Variants in TTK observed in about 807,000 individuals in gnomAD.
TTK encodes dual specificity protein kinase TTK.
A neutral mutation model predicts 117.3 loss-of-function variants in TTK; 59 were observed. The observed-to-expected ratio is 0.50, with a 90% CI of 0.41 to 0.62. The LOEUF (loss-of-function observed/expected upper bound fraction) is 0.62, where lower values mean the gene tolerates loss of function less well. Ranked by LOEUF, TTK falls within the 20% of genes least tolerant of loss-of-function variation. The probability of loss-of-function intolerance (pLI) is 0.00; values close to 1 mark genes in which losing one functional copy is unlikely to be tolerated. For missense variants in TTK, 921 were observed against 989.4 expected, an observed-to-expected ratio of 0.93 and a Z score of 0.93; for synonymous variants, 302 against 325.0, an observed-to-expected ratio of 0.93 and a Z score of 0.76.
chr6:80,038,776 C>G (rs1366664258), intron 18 of TTK, among the ~76,000 whole-genome samples: 1 of 152,136 alleles, frequency 6.6e-6, no homozygotes, highest in Non-Finnish European at 1.5e-5. Context: ...TTAGCCTCCA[C>G]TCTTCTAAAA....
At chr6:80,036,968 C>A (rs1480165125) in intron 17 of TTK, among the ~76,000 whole-genome samples, 1 of 152,018 alleles carries the variant, frequency 6.6e-6, no homozygotes, top group Non-Finnish European at 1.5e-5. Flanking sequence ...GAGGTAAGAT[C>A]ATTTTTATTC....
Position 80,042,290 on chromosome 6 carries a change from G to A in TTK, c.*88G>A, listed in dbSNP as rs545531251. On this transcript the variant is annotated 3_prime_UTR_variant, in exon 22 of 22. Transcript: ENST00000369798. ...ATCCCTGTGGAAATCTACATTTGAA[G>A]ACAACATCACTCTGAAGTGTTATCA... 1.9e-6 allele frequency: 2 copies of A among 1,072,742 alleles called. No homozygotes were observed. The highest frequency in any genetic ancestry group is 2.5e-5 in the East Asian group (1 of 40,350). 66.5% of individuals were successfully genotyped at this position (1,072,742 alleles called of 1,614,324 possible).
chr6:80,029,771 A>T (rs1157717689), intron 13 of TTK, among the ~76,000 whole-genome samples: 1 of 152,226 alleles, frequency 6.6e-6, no homozygotes, highest in Non-Finnish European at 1.5e-5. Context: ...CTCTAACCAC[A>T]GTGAGTAGGG....
chr6:80,025,060 T>G (rs1410186765), intron 11 of TTK, among the ~76,000 whole-genome samples: 1 of 152,194 alleles, frequency 6.6e-6, no homozygotes, highest in East Asian at 1.9e-4. Context: ...CTGGCCTTCA[T>G]TTTTCTAACT....
intron 18 of TTK, 125 bp from the exon 19 acceptor site, chr6:80,039,571 C>A: frequency 3.2e-6 from 2 of 617,226 alleles, no homozygotes; most frequent in Non-Finnish European, 4.7e-6. Flanking sequence ...GTCATGTTAA[C>A]ATAATGTAGT....
At chr6:80,040,441 T>G (rs1768017769) in intron 20 of TTK, among the ~76,000 whole-genome samples, 161 bp downstream of exon 20, 1 of 151,832 alleles carries the variant, frequency 6.6e-6, no homozygotes, top group Admixed American at 6.6e-5. Context: ...TAAATAAACT[T>G]TTTTTTCTTT....
Position 80,039,847 on chromosome 6 carries a change from A to G in TTK, c.2282A>G (p.Glu761Gly). The change falls in exon 19 of 22, where the codon GAG (glutamate) becomes GGG (glycine). Residue 761 changes from glutamate (E) to glycine (G), a missense_variant. Coordinates refer to ENST00000369798, the MANE Select transcript of TTK (RefSeq NM_003318.5). ...NHEIEFPDIP[E>G]KDLQDVLKCC... ...GAAATTGAATTTCCCGATATTCCAG[A>G]GAAAGATCTTCAAGATGTGTTAAAG... 6.3e-7 allele frequency: 1 copy of G among 1,578,570 alleles called. No homozygotes were observed. Among genetic ancestry groups the G allele is most frequent in the Non-Finnish European group, 8.6e-7 (1 of 1,165,204 alleles).
chr6:80,012,562 T>G (rs1342022145), intron 8 of TTK, among the ~76,000 whole-genome samples: 2 of 152,038 alleles, frequency 1.3e-5, no homozygotes, highest in Non-Finnish European at 2.9e-5. Flanking sequence ...TATTTTGGCC[T>G]ATTCTTAATT....
intron 10 of TTK, among the ~76,000 whole-genome samples, chr6:80,020,375 A>G (rs1767426241): frequency 6.6e-6 from 1 of 152,196 alleles, no homozygotes; most frequent in South Asian, 2.1e-4. Flanking sequence ...TATAATCATA[A>G]CTGGCTGACC....
chr6:80,032,265 C>T (rs1280314074), intron 14 of TTK, among the ~76,000 whole-genome samples: 5 of 150,722 alleles, frequency 3.3e-5, no homozygotes, highest in African/African-American at 1.2e-4. Flanking sequence ...TTTTTTTTTT[C>T]GCAGTGAAGC....
intron 9 of TTK, 95 bp downstream of exon 9, chr6:80,013,461 A>T: frequency 9.9e-7 from 1 of 1,010,420 alleles, no homozygotes; most frequent in Non-Finnish European, 1.5e-6. Context: ...GTTTATAAAT[A>T]GTTCATGTAT....
At chr6:80,035,216 A>G (rs759919158) in intron 15 of TTK, 50 bp from the exon 16 acceptor site, 1 of 1,543,964 alleles carries the variant, frequency 6.5e-7, no homozygotes, top group Non-Finnish European at 8.7e-7. Context: ...GTAAACTTTA[A>G]TATAACCTAG....
intron 10 of TTK, among the ~76,000 whole-genome samples, chr6:80,020,685 A>G (rs1370943088): frequency 6.6e-6 from 1 of 152,312 alleles, no homozygotes; most frequent in East Asian, 1.9e-4. Context: ...CCCCTAACAA[A>G]GCTTGACGCA....
intron 2 of TTK, among the ~76,000 whole-genome samples, chr6:80,007,582 T>C (rs1332372943): frequency 6.6e-6 from 1 of 152,140 alleles, no homozygotes; most frequent in Non-Finnish European, 1.5e-5. Context: ...TTTTCTTTCC[T>C]TCAAAATATA....
At chr6:80,006,054 T>C (rs1441471039) in intron 2 of TTK, 72 bp downstream of exon 2, 5 of 1,524,912 alleles carry the variant, frequency 3.3e-6, no homozygotes, top group Admixed American at 1.9e-5. Flanking sequence ...ATAGTACTAA[T>C]CACTTTATTT....
In TTK at chr6:80,007,292, G is replaced by A. The variant is rs546010251; in HGVS notation, c.140-517G>A. On this transcript the variant is annotated intron_variant, in intron 2 of 21. Coordinates refer to ENST00000369798, the MANE Select transcript of TTK (RefSeq NM_003318.5). ...CATTTGTTTATTTTTTGTAAAGCTG[G>A]TTTGGTTTTACAAGTAAGTATGAGG... is the stretch of plus-strand genomic sequence containing the variant. 9.9e-5 allele frequency among the ~76,000 whole-genome samples: 15 copies of A among 152,194 alleles called. No individual in the cohort carries two copies. The South Asian group carries it at 3.1e-3, about 32-fold the overall frequency.
rs1766978135 is a variant in TTK at position 80,005,865 on chromosome 6, G to C, written c.22G>C (p.Gly8Arg). MESEDLS[G>R]RELTIDSIMN... Reference sequence around the variant, plus strand: ...AGAAATGGAATCCGAGGATTTAAGTGGCAGAGAATTGACAATTGATTCCAT... The same window carrying C: ...AGAAATGGAATCCGAGGATTTAAGTCGCAGAGAATTGACAATTGATTCCAT... Residue 8 changes from glycine to arginine, a missense_variant, in exon 2 of 22, where the codon GGC becomes CGC. By Grantham distance (125) the Gly-to-Arg change is moderately radical (BLOSUM62 -2). Transcript: ENST00000369798. The C allele has an allele frequency of 6.2e-7, 1 of 1,612,518 alleles. No individual in the cohort carries two copies. Among genetic ancestry groups the C allele is most frequent in the Non-Finnish European group, 8.5e-7 (1 of 1,179,612 alleles).
At chr6:80,028,278 G>T (rs972150311) in intron 13 of TTK, among the ~76,000 whole-genome samples, 2 of 149,842 alleles carry the variant, frequency 1.3e-5, no homozygotes, top group Non-Finnish European at 3.0e-5. Context: ...ATGAATCAAG[G>T]TTACCTTTTA....
intron 16 of TTK, among the ~76,000 whole-genome samples, 191 bp from the exon 17 acceptor site, chr6:80,036,284 A>G (rs1767904056): frequency 6.6e-6 from 1 of 152,168 alleles, no homozygotes; most frequent in South Asian, 2.1e-4. Flanking sequence ...AGTACTGTAT[A>G]AACAATGAAC....
Sources: allele counts gnomAD v4.1 joint callset (sites outside exome capture counted in the v4.1 genomes callset), GRCh38; gene constraint gnomAD v4.1.1; transcripts MANE v1.5; gene names NCBI Gene and HGNC (gene_info 2026-07-23, HGNC 2026-07-21).